The following WWOX variants were observed in gnomAD, a reference collection of about 807,000 sequenced individuals.
WWOX encodes WW domain containing oxidoreductase.
WWOX carries 69 observed loss-of-function variants against 46.2 expected under a neutral mutation model. The observed-to-expected ratio is 1.49, with a 90% confidence interval of 1.23 to 1.82. WWOX has a LOEUF of 1.82. Among genes scored for constraint, WWOX ranks in the 40% most tolerant of loss-of-function variants. The pLI is 0.00. For synonymous variants in WWOX, 359 were observed against 202.6 expected, an observed-to-expected ratio of 1.77 and a Z score of -6.56; for missense variants, 919 against 542.6, an observed-to-expected ratio of 1.69 and a Z score of -6.89.
chr16:78,917,247 A>G (rs1054815878), intron 8 of WWOX, among the ~76,000 whole-genome samples: 1 of 152,252 alleles, frequency 6.6e-6, no homozygotes, highest in African/African-American at 2.4e-5. Context: ...CCCAAAGCTC[A>G]CGAACTGAGA....
chr16:78,123,446 TTTTTTTTTGTTTTTTTTTTTTG>T (rs2033209451), intron 4 of WWOX: 2 of 25,902 alleles, frequency 7.7e-5, no homozygotes, highest in Admixed American at 5.5e-4. Flanking sequence ...TTTTGTTTTT[TTTTTTTTTGTTTTTTTTTTTTG>T]TTTTTTTGAG....
At chr16:79,191,364 C>T (rs1473935750) in intron 8 of WWOX, among the ~76,000 whole-genome samples, 5 of 152,158 alleles carry the variant, frequency 3.3e-5, no homozygotes, top group African/African-American at 1.2e-4. Context: ...CCCATGACTT[C>T]TCTTTATGGG....
intron 8 of WWOX, among the ~76,000 whole-genome samples, chr16:78,575,051 AT>A (rs2044834881): frequency 1.6e-4 from 2 of 12,336 alleles, no homozygotes; most frequent in African/African-American, 2.7e-4. Flanking sequence ...ATATATATAT[AT>A]ATATATATAT....
intron 8 of WWOX, among the ~76,000 whole-genome samples, chr16:78,841,720 C>A (rs1054761112): frequency 3.9e-5 from 6 of 152,128 alleles, no homozygotes; most frequent in African/African-American, 1.4e-4. Context: ...TGATACACTC[C>A]TGTCCGAGAA....
intron 8 of WWOX, among the ~76,000 whole-genome samples, chr16:78,718,758 G>A (rs11864554): frequency 0.026 from 3,959 of 152,094 alleles, 170 homozygotes; most frequent in African/African-American, 0.091. Flanking sequence ...TTTAAAAGAA[G>A]TATTCATTTA....
intron 8 of WWOX, among the ~76,000 whole-genome samples, chr16:78,740,266 C>G (rs886468417): frequency 6.6e-6 from 1 of 152,206 alleles, no homozygotes; most frequent in South Asian, 2.1e-4. Context: ...TGATGCGACT[C>G]AGACGGCTGC....
intron 8 of WWOX, among the ~76,000 whole-genome samples, chr16:78,490,932 G>A (rs1355561081): frequency 6.6e-6 from 1 of 152,142 alleles, no homozygotes; most frequent in African/African-American, 2.4e-5. Context: ...TCATATGGAA[G>A]AGGCATCACG....
At chr16:78,836,776 C>T (rs1004155562) in intron 8 of WWOX, among the ~76,000 whole-genome samples, 1 of 152,136 alleles carries the variant, frequency 6.6e-6, no homozygotes, top group Non-Finnish European at 1.5e-5. Flanking sequence ...AATTTCTGAT[C>T]TCTTTAATTA....
intron 8 of WWOX, among the ~76,000 whole-genome samples, chr16:78,743,167 C>T (rs183340060): frequency 4.6e-5 from 7 of 152,020 alleles, no homozygotes; most frequent in African/African-American, 1.7e-4. Flanking sequence ...GATATCAGTT[C>T]CCAGGCAAGG....
At chr16:78,577,424 C>T (rs1020800488) in intron 8 of WWOX, among the ~76,000 whole-genome samples, 1 of 152,088 alleles carries the variant, frequency 6.6e-6, no homozygotes, top group African/African-American at 2.4e-5. Context: ...GTAAAGGGTG[C>T]CCTGACCACG....
chr16:79,022,827 C>G (rs1338026713), intron 8 of WWOX, among the ~76,000 whole-genome samples: 2 of 152,188 alleles, frequency 1.3e-5, no homozygotes, highest in Admixed American at 6.5e-5. Context: ...ACCGAAAGGG[C>G]TCAGCTTCTG....
chr16:78,421,145 T>C (rs2082918479), intron 6 of WWOX, among the ~76,000 whole-genome samples: 1 of 152,178 alleles, frequency 6.6e-6, no homozygotes. Context: ...GCTATATTAG[T>C]TTTCTAAAGC....
At chr16:78,945,418 C>G (rs2045929954) in intron 8 of WWOX, among the ~76,000 whole-genome samples, 1 of 152,144 alleles carries the variant, frequency 6.6e-6, no homozygotes, top group Admixed American at 6.5e-5. Flanking sequence ...TCTAAAGTCT[C>G]TGTATCAAAA....
At chr16:78,527,062 G>T (rs1338742026) in intron 8 of WWOX, among the ~76,000 whole-genome samples, 2 of 152,142 alleles carry the variant, frequency 1.3e-5, no homozygotes, top group Non-Finnish European at 2.9e-5. Flanking sequence ...TACACAGGAA[G>T]CTGAGGCAGG....
At chr16:78,414,870 C>T (rs1278590267) in intron 6 of WWOX, among the ~76,000 whole-genome samples, 7 of 151,988 alleles carry the variant, frequency 4.6e-5, no homozygotes, top group African/African-American at 4.8e-5. Flanking sequence ...AACCAGTTAC[C>T]GGAAACGGGT....
intron 8 of WWOX, among the ~76,000 whole-genome samples, chr16:78,802,643 C>G (rs1175797180): frequency 6.6e-6 from 1 of 151,916 alleles, no homozygotes; most frequent in Non-Finnish European, 1.5e-5. Context: ...TGGCTGGCCA[C>G]CGTGCCTCAT....
chr16:78,166,145 C>G (rs935324388), intron 5 of WWOX, among the ~76,000 whole-genome samples: 4 of 152,060 alleles, frequency 2.6e-5, no homozygotes, highest in Non-Finnish European at 5.9e-5. Flanking sequence ...CCAGCAAACA[C>G]ACTCACATTC....
intron 8 of WWOX, among the ~76,000 whole-genome samples, chr16:78,911,141 T>C (rs1335597555): frequency 6.6e-6 from 1 of 152,028 alleles, no homozygotes; most frequent in African/African-American, 2.4e-5. Flanking sequence ...CTTGTCTTCC[T>C]AGGCCCTTGT....
chr16:78,594,284 C>G (rs910642630), intron 8 of WWOX, among the ~76,000 whole-genome samples: 3 of 152,074 alleles, frequency 2.0e-5, no homozygotes, highest in African/African-American at 4.8e-5. Context: ...AAGTCGATTC[C>G]TGACATTTCC....
Sources: gnomAD v4.1 joint callset for allele counts (sites outside exome capture counted in the v4.1 genomes callset) on GRCh38, gnomAD v4.1.1 for gene constraint, MANE v1.5 for transcripts, NCBI Gene and HGNC (gene_info 2026-07-23, HGNC 2026-07-21) for gene names.